The following DOCK1 variants were observed in gnomAD, a reference collection of about 807,000 sequenced individuals.
DOCK1 encodes dedicator of cytokinesis 1.
In DOCK1, 138 loss-of-function variants were observed where a neutral mutation model predicts 262.7. That is an observed-to-expected ratio of 0.53 (90% CI 0.46 to 0.61). The LOEUF is 0.61. DOCK1 is among the 20% of genes least tolerant of loss of function. DOCK1 has a pLI of 0.00. For missense variants in DOCK1, 1,908 were observed against 2,370.7 expected, an observed-to-expected ratio of 0.80 and a Z score of 4.05; for synonymous variants, 866 against 867.4, an observed-to-expected ratio of 1.00 and a Z score of 0.03.
chr10:127,153,816 T>C (rs2052751274), intron 27 of DOCK1: 1 of 1,492,054 alleles, frequency 6.7e-7, no homozygotes, highest in South Asian at 1.1e-5. Flanking sequence ...TTGTCACTCA[T>C]AATAAGAAAG....
chr10:127,059,123 G>GTAT (rs1222777968), intron 22 of DOCK1, among the ~76,000 whole-genome samples: 1 of 152,226 alleles, frequency 6.6e-6, no homozygotes, highest in East Asian at 1.9e-4. Context: ...CTTCTTCCAT[G>GTAT]TATTCTATTC....
intron 21 of DOCK1, among the ~76,000 whole-genome samples, chr10:127,044,580 G>C (rs2044220771): frequency 6.6e-6 from 1 of 152,176 alleles, no homozygotes; most frequent in South Asian, 2.1e-4. Context: ...GAAGTGGCCT[G>C]TGGACTGCAG....
chr10:127,328,735 C>A (rs540131924), intron 29 of DOCK1, among the ~76,000 whole-genome samples: 2 of 152,278 alleles, frequency 1.3e-5, no homozygotes, highest in South Asian at 4.1e-4. Context: ...GCCCCACCTA[C>A]TTCCAGAGAG....
intron 27 of DOCK1, among the ~76,000 whole-genome samples, chr10:127,147,970 G>A (rs2052067177): frequency 6.9e-6 from 1 of 144,770 alleles, no homozygotes; most frequent in Admixed American, 7.2e-5. Context: ...GGAGGAGGGT[G>A]CAGTGAGCCG....
chr10:127,058,406 A>G (rs2045312932), intron 22 of DOCK1, among the ~76,000 whole-genome samples: 1 of 151,870 alleles, frequency 6.6e-6, no homozygotes. Flanking sequence ...GTGTCTTTAT[A>G]CTTAAGGTGT....
intron 27 of DOCK1, among the ~76,000 whole-genome samples, chr10:127,218,178 T>A (rs2058292470): frequency 6.6e-6 from 1 of 152,258 alleles, no homozygotes; most frequent in African/African-American, 2.4e-5. Flanking sequence ...AATACAGATA[T>A]TTATAGAAAT....
chr10:127,044,746 T>C (rs1047585883), intron 21 of DOCK1, among the ~76,000 whole-genome samples: 8 of 152,194 alleles, frequency 5.3e-5, no homozygotes, highest in Admixed American at 1.3e-4. Flanking sequence ...CATCTCTTCA[T>C]TGGCGCCAGC....
At chr10:127,451,010 T>A (rs1428469599) in intron 51 of DOCK1, among the ~76,000 whole-genome samples, 2 of 152,164 alleles carry the variant, frequency 1.3e-5, no homozygotes, top group African/African-American at 4.8e-5. Flanking sequence ...TAAGGACTTA[T>A]TTATCCCTTA....
At chr10:127,266,166 C>T (rs2060346937) in intron 29 of DOCK1, among the ~76,000 whole-genome samples, 1 of 152,248 alleles carries the variant, frequency 6.6e-6, no homozygotes, top group Non-Finnish European at 1.5e-5. Context: ...TCCAGAGAAG[C>T]ACCTCTGCAT....
chr10:127,272,988 T>A (rs1441101080), intron 29 of DOCK1, among the ~76,000 whole-genome samples: 1 of 152,130 alleles, frequency 6.6e-6, no homozygotes. Flanking sequence ...GAGATTTGGG[T>A]GGGGACACAG....
chr10:126,923,751 C>G (rs868091287), intron 1 of DOCK1, among the ~76,000 whole-genome samples: 4 of 152,362 alleles, frequency 2.6e-5, no homozygotes, highest in African/African-American at 9.6e-5. Flanking sequence ...CCACTTCATA[C>G]ACAGAAACCT....
chr10:127,421,743 G>T (rs1348205566), intron 46 of DOCK1, among the ~76,000 whole-genome samples: 1 of 152,154 alleles, frequency 6.6e-6, no homozygotes, highest in Admixed American at 6.5e-5. Context: ...TCTGTGTCTG[G>T]CTTGTTTCTC....
intron 29 of DOCK1, among the ~76,000 whole-genome samples, chr10:127,270,079 A>G (rs2060506355): frequency 6.6e-6 from 1 of 152,126 alleles, no homozygotes; most frequent in South Asian, 2.1e-4. Context: ...GGAGTTCCGG[A>G]AGCCAGCTCC....
intron 27 of DOCK1, among the ~76,000 whole-genome samples, chr10:127,235,722 G>T (rs1226423753): frequency 2.0e-5 from 3 of 151,888 alleles, no homozygotes; most frequent in Admixed American, 1.3e-4. Context: ...TTCCTAAAAT[G>T]GCTTTACCAT....
At chr10:127,278,834 G>T (rs934208045) in intron 29 of DOCK1, among the ~76,000 whole-genome samples, 2 of 152,192 alleles carry the variant, frequency 1.3e-5, no homozygotes, top group Admixed American at 1.3e-4. Flanking sequence ...GACAAGCAGG[G>T]GATCAGAGTG....
intron 49 of DOCK1, among the ~76,000 whole-genome samples, chr10:127,441,094 C>T (rs1055798019): frequency 2.0e-5 from 3 of 152,224 alleles, no homozygotes; most frequent in Non-Finnish European, 2.9e-5. Flanking sequence ...ATTTAAGCTC[C>T]GTTTTAAGAT....
chr10:127,332,906 C>A (rs1159746441), intron 29 of DOCK1, among the ~76,000 whole-genome samples: 3 of 152,182 alleles, frequency 2.0e-5, no homozygotes, highest in African/African-American at 7.2e-5. Flanking sequence ...AAGTGACATT[C>A]TCTGCATCTC....
At position 126,998,039 on chromosome 10, in the gene DOCK1, G is replaced by A. The variant is rs554042869; in HGVS notation, c.610-53G>A. 1.6e-5 allele frequency: 25 copies of A among 1,601,840 alleles called. No homozygotes were observed. In the East Asian group the frequency reaches 4.9e-4, roughly 32 times the overall value. ...ATTCTGTAGGGAATAAAGAAAGCAA[G>A]TGTCAGTGATGAGTGTTGCTGGGGT... is the stretch of plus-strand genomic sequence containing the variant. On this transcript the variant is annotated intron_variant, in intron 7 of 51. Coordinates refer to ENST00000623213, the MANE Select transcript of DOCK1 (RefSeq NM_001290223.2).
intron 1 of DOCK1, among the ~76,000 whole-genome samples, chr10:126,940,892 A>G (rs1353751943): frequency 1.3e-5 from 2 of 152,232 alleles, no homozygotes; most frequent in Non-Finnish European, 1.5e-5. Flanking sequence ...GCGTCTATTG[A>G]ATTACAGTGA....
Sources: allele counts gnomAD v4.1 joint callset (sites outside exome capture counted in the v4.1 genomes callset), GRCh38; gene constraint gnomAD v4.1.1; transcripts MANE v1.5; gene names NCBI Gene and HGNC (gene_info 2026-07-23, HGNC 2026-07-21).